NRG1: variants seen among roughly 807,000 people sequenced by gnomAD.
NRG1 encodes neuregulin 1.
NRG1 carries 18 observed loss-of-function variants against 63.8 expected under a neutral mutation model. That is an observed-to-expected ratio of 0.28 (90% confidence interval 0.19 to 0.42). NRG1 has a LOEUF of 0.42. NRG1 is among the 10% of genes least tolerant of loss of function. The pLI is 1.00. For synonymous variants in NRG1, 302 were observed against 301.3 expected (o/e 1.00, Z -0.02); for missense variants, 762 against 814.7 (o/e 0.94, Z 0.79).
intron 5 of NRG1, among the ~76,000 whole-genome samples, chr8:32,644,674 A>G (rs1338296156): frequency 1.3e-5 from 2 of 152,196 alleles, no homozygotes; most frequent in African/African-American, 4.8e-5. Flanking sequence ...AGTCCAAGGG[A>G]AAGAGTACTT....
At chr8:31,874,673 T>C (rs1425304615) in intron 1 of NRG1, among the ~76,000 whole-genome samples, 1 of 152,202 alleles carries the variant, frequency 6.6e-6, no homozygotes, top group African/African-American at 2.4e-5. Flanking sequence ...CCCAGTTGTG[T>C]TATCAAATAG....
intron 1 of NRG1, among the ~76,000 whole-genome samples, chr8:32,210,444 A>T (rs1238812924): frequency 6.6e-6 from 1 of 151,994 alleles, no homozygotes; most frequent in East Asian, 1.9e-4. Flanking sequence ...CATCTCACAG[A>T]CCTCCCGAAA....
At chr8:32,728,442 T>C (rs370309377) in intron 6 of NRG1, 1 of 985,230 alleles carries the variant, frequency 1.0e-6, no homozygotes. Context: ...ATGTATGAAT[T>C]AAGCTGTAAG....
intron 1 of NRG1, among the ~76,000 whole-genome samples, chr8:32,229,887 A>G (rs1469236565): frequency 1.3e-5 from 2 of 152,044 alleles, no homozygotes; most frequent in African/African-American, 4.8e-5. Flanking sequence ...TTTTGAGAGT[A>G]GAGGTGGATG....
chr8:31,705,200 C>T (rs1811028807), intron 1 of NRG1, among the ~76,000 whole-genome samples: 1 of 151,898 alleles, frequency 6.6e-6, no homozygotes, highest in Non-Finnish European at 1.5e-5. Flanking sequence ...CCACACGCAG[C>T]TAGTTTTTTA....
intron 1 of NRG1, among the ~76,000 whole-genome samples, chr8:32,247,591 A>T (rs1428463792): frequency 6.6e-6 from 1 of 152,126 alleles, no homozygotes; most frequent in Non-Finnish European, 1.5e-5. Context: ...GAAAATATCA[A>T]AAGTTGTCAG....
intron 1 of NRG1, among the ~76,000 whole-genome samples, chr8:32,296,134 C>T (rs1295441069): frequency 3.3e-5 from 5 of 152,046 alleles, no homozygotes; most frequent in Non-Finnish European, 7.3e-5. Context: ...AAAACATGTG[C>T]ACATTTTCTG....
intron 1 of NRG1, among the ~76,000 whole-genome samples, chr8:31,950,784 A>C (rs1295111870): frequency 1.3e-5 from 2 of 152,222 alleles, no homozygotes; most frequent in Non-Finnish European, 2.9e-5. Context: ...CTCCAGAGAC[A>C]ACAAAAGCAA....
At chr8:32,306,086 C>A (rs548981712) in intron 1 of NRG1, among the ~76,000 whole-genome samples, 1 of 152,088 alleles carries the variant, frequency 6.6e-6, no homozygotes, top group Non-Finnish European at 1.5e-5. Context: ...ATAAAATGAC[C>A]CTTAACTCCC....
chr8:31,818,961 A>G (rs1342265625), intron 1 of NRG1, among the ~76,000 whole-genome samples: 2 of 152,116 alleles, frequency 1.3e-5, no homozygotes, highest in Non-Finnish European at 2.9e-5. Flanking sequence ...GGCTGAGGCG[A>G]GAGAATCACT....
chr8:32,131,363 A>T lies in NRG1; in HGVS notation c.38-464465A>T, dbSNP rs187753331. ...TTTTGTCATTGCATGTTCTGCTCAT[A>T]CTAAAGCACCTATCCTCCCACTTTA... On this transcript the variant is annotated intron_variant, in intron 1 of 10. Coordinates refer to the NRG1 transcript ENST00000519301. Among the ~76,000 whole-genome samples the T allele has an allele frequency of 2.6e-5, 4 of 152,136 alleles. 1 individual carries two copies. In the East Asian group the frequency reaches 7.7e-4, roughly 29 times the overall value.
intron 5 of NRG1, among the ~76,000 whole-genome samples, chr8:32,633,615 G>T (rs1349833810): frequency 6.6e-6 from 1 of 152,228 alleles, no homozygotes; most frequent in East Asian, 1.9e-4. Context: ...TGCACAAATA[G>T]AATCCATTAT....
At chr8:31,874,438 G>A (rs941210728) in intron 1 of NRG1, among the ~76,000 whole-genome samples, 5 of 152,002 alleles carry the variant, frequency 3.3e-5, no homozygotes, top group African/African-American at 1.2e-4. Flanking sequence ...GTTGTTTTGG[G>A]TACATGGTAG....
intron 1 of NRG1, among the ~76,000 whole-genome samples, chr8:32,086,977 A>G (rs901149821): frequency 5.3e-5 from 8 of 152,212 alleles, no homozygotes; most frequent in Admixed American, 1.3e-4. Context: ...GACGTTTCAT[A>G]GAAGATCTTA....
chr8:32,114,765 C>A (rs557662479), intron 1 of NRG1, among the ~76,000 whole-genome samples: 36 of 152,298 alleles, frequency 2.4e-4, no homozygotes, highest in African/African-American at 8.7e-4. Flanking sequence ...CCAGAACTCT[C>A]CCTGGAGCTG....
chr8:32,181,157 G>GC (rs1473528145), intron 1 of NRG1, among the ~76,000 whole-genome samples: 1 of 152,142 alleles, frequency 6.6e-6, no homozygotes, highest in Non-Finnish European at 1.5e-5. Context: ...TATGGTCCAA[G>GC]CCCTTGGATC....
intron 1 of NRG1, among the ~76,000 whole-genome samples, chr8:31,965,922 T>A (rs1806243833): frequency 6.6e-6 from 1 of 152,032 alleles, no homozygotes; most frequent in African/African-American, 2.4e-5. Flanking sequence ...AATGAGCACA[T>A]ATGCACATAA....
chr8:31,688,607 G>T (rs1221963256), intron 1 of NRG1, among the ~76,000 whole-genome samples: 1 of 152,060 alleles, frequency 6.6e-6, no homozygotes, highest in African/African-American at 2.4e-5. Flanking sequence ...AAAAAAACCA[G>T]TTTGCCGACT....
chr8:32,431,473 C>G (rs1018392515), intron 1 of NRG1, among the ~76,000 whole-genome samples: 1 of 152,098 alleles, frequency 6.6e-6, no homozygotes, highest in Non-Finnish European at 1.5e-5. Flanking sequence ...CCTAAGTAGT[C>G]TGTGTTTCCC....
Sources: gnomAD v4.1 joint callset for allele counts (sites outside exome capture counted in the v4.1 genomes callset) on GRCh38, gnomAD v4.1.1 for gene constraint, MANE v1.5 for transcripts, NCBI Gene and HGNC (gene_info 2026-07-23, HGNC 2026-07-21) for gene names.